EXOC4: variants seen among roughly 807,000 people sequenced by gnomAD.
EXOC4 encodes exocyst complex component 4.
A neutral mutation model predicts 107.2 loss-of-function variants in EXOC4; 71 were observed. That is an observed-to-expected ratio of 0.66 (90% CI 0.55 to 0.81). The LOEUF (loss-of-function observed/expected upper bound fraction) is 0.81. Ranked by LOEUF, EXOC4 falls within the 30% of genes least tolerant of loss-of-function variation. The probability of loss-of-function intolerance (pLI) is 0.00; values close to 1 mark genes in which losing one functional copy is unlikely to be tolerated. For missense variants in EXOC4, 1,108 were observed against 1,189.6 expected (o/e 0.93, Z 1.01); for synonymous variants, 456 against 441.2 (o/e 1.03, Z -0.42).
At chr7:133,991,463 C>T (rs1794260034) in intron 14 of EXOC4, among the ~76,000 whole-genome samples, 1 of 151,960 alleles carries the variant, frequency 6.6e-6, no homozygotes, top group Non-Finnish European at 1.5e-5. Flanking sequence ...GGCGTAATCC[C>T]ATTTGTTTAT....
At chr7:133,867,574 A>G (rs544345648) in intron 11 of EXOC4, among the ~76,000 whole-genome samples, 2 of 152,312 alleles carry the variant, frequency 1.3e-5, no homozygotes, top group Non-Finnish European at 2.9e-5. Flanking sequence ...GAGAAGGAGA[A>G]AAATACCTTT....
At chr7:133,985,709 T>C (rs28656246) in intron 14 of EXOC4, among the ~76,000 whole-genome samples, 2,727 of 152,324 alleles carry the variant, frequency 0.018, 82 homozygotes, top group African/African-American at 0.06. Flanking sequence ...TAAAATACTT[T>C]AAATTTAGAC....
At chr7:133,604,671 C>T (rs1419048711) in intron 9 of EXOC4, among the ~76,000 whole-genome samples, 2 of 145,612 alleles carry the variant, frequency 1.4e-5, no homozygotes, top group African/African-American at 5.1e-5. Context: ...TAACTTATAG[C>T]ACTGATTTCT....
intron 11 of EXOC4, among the ~76,000 whole-genome samples, chr7:133,820,456 A>G (rs1200586068): frequency 3.9e-5 from 6 of 152,022 alleles, no homozygotes; most frequent in South Asian, 2.1e-4. Flanking sequence ...AATTTTTTCT[A>G]TGTTTCCTTA....
chr7:133,359,342 C>T (rs1796090252), intron 6 of EXOC4, among the ~76,000 whole-genome samples: 1 of 152,162 alleles, frequency 6.6e-6, no homozygotes, highest in Non-Finnish European at 1.5e-5. Flanking sequence ...GTCAAATTAT[C>T]ATTTGAAGCT....
chr7:133,274,982 G>C lies in EXOC4; in HGVS notation c.87G>C (p.Arg29Ser), dbSNP rs1192538966. The C allele has an allele frequency of 6.3e-7, 1 of 1,595,990 alleles. No individual in the cohort carries two copies. The highest frequency in any genetic ancestry group is 8.5e-7 in the Non-Finnish European group (1 of 1,171,282). Residue 29 changes from arginine (R) to serine (S), a missense_variant and splice_region_variant, in exon 2 of 18, where the codon AGG becomes AGC. Transcript: ENST00000253861. ...TTGATATACTCTCTGCCTTCACCAG[G>C]ACTCTGTCTACTAGTGACGATGTCG... ...DPSGLLISVI[R>S]TLSTSDDVED...
intron 14 of EXOC4, among the ~76,000 whole-genome samples, chr7:133,939,088 A>G (rs531391865): frequency 2.0e-5 from 3 of 152,344 alleles, no homozygotes; most frequent in Admixed American, 2.0e-4. Flanking sequence ...AGAGATAGAA[A>G]CAGGATAGAA....
chr7:134,072,447 T>A, the EXOC4 span, among the ~76,000 whole-genome samples: 5 of 152,306 alleles, frequency 3.3e-5, no homozygotes, highest in African/African-American at 1.2e-4. Context: ...GCCTGGTCTC[T>A]CACAGGAGGG....
chr7:133,573,554 G>C (rs937236361), intron 9 of EXOC4, among the ~76,000 whole-genome samples: 2 of 152,090 alleles, frequency 1.3e-5, no homozygotes, highest in Non-Finnish European at 2.9e-5. Context: ...GTGGTAATAC[G>C]CCCCAAAGTA....
chr7:133,295,701 C>G (rs182106645), intron 3 of EXOC4, among the ~76,000 whole-genome samples: 3 of 152,236 alleles, frequency 2.0e-5, no homozygotes, highest in Non-Finnish European at 4.4e-5. Flanking sequence ...AGCAAATAGA[C>G]TGATCTTATT....
chr7:133,333,881 C>T (rs758431083), intron 5 of EXOC4, among the ~76,000 whole-genome samples: 19 of 152,130 alleles, frequency 1.2e-4, no homozygotes, highest in Non-Finnish European at 2.6e-4. Flanking sequence ...CAATTGCTAA[C>T]CAATGAAAAA....
intron 17 of EXOC4, among the ~76,000 whole-genome samples, chr7:134,033,255 T>C (rs1795308205): frequency 6.6e-6 from 1 of 152,144 alleles, no homozygotes; most frequent in Non-Finnish European, 1.5e-5. Flanking sequence ...CATAAAAATA[T>C]ATATCCTACA....
At chr7:133,380,672 G>C (rs1238031124) in intron 7 of EXOC4, among the ~76,000 whole-genome samples, 2 of 152,122 alleles carry the variant, frequency 1.3e-5, no homozygotes, top group African/African-American at 2.4e-5. Context: ...TAGACAAGAT[G>C]AATTTAAGAC....
intron 9 of EXOC4, among the ~76,000 whole-genome samples, chr7:133,493,569 T>A (rs1393165676): frequency 6.6e-6 from 1 of 152,224 alleles, no homozygotes; most frequent in Non-Finnish European, 1.5e-5. Flanking sequence ...GTAAATGTTT[T>A]TTTAAATTAA....
chr7:133,466,264 G>A (rs1798724727), intron 7 of EXOC4, among the ~76,000 whole-genome samples: 1 of 151,798 alleles, frequency 6.6e-6, no homozygotes, highest in Non-Finnish European at 1.5e-5. Context: ...CCAAATAGAG[G>A]TCTTTTGAAA....
intron 10 of EXOC4, among the ~76,000 whole-genome samples, chr7:133,686,512 A>G (rs1487225334): frequency 6.6e-6 from 1 of 152,138 alleles, no homozygotes; most frequent in African/African-American, 2.4e-5. Context: ...TCAGGAATGG[A>G]CTTTCAGGCC....
chr7:133,710,182 TC>T (rs1437001375), intron 10 of EXOC4, among the ~76,000 whole-genome samples: 2 of 152,156 alleles, frequency 1.3e-5, no homozygotes, highest in Non-Finnish European at 2.9e-5. Context: ...AGTCTGGGCT[TC>T]TATCACAGGG....
intron 17 of EXOC4, among the ~76,000 whole-genome samples, chr7:134,026,065 C>A (rs1795131382): frequency 6.6e-6 from 1 of 152,134 alleles, no homozygotes; most frequent in African/African-American, 2.4e-5. Flanking sequence ...GGAGCAGAAA[C>A]TTAATTCAAA....
Position 133,956,982 on chromosome 7 carries a change from AT to A in EXOC4, c.2206+18924del, listed in dbSNP as rs879607959. 1.4e-3 allele frequency among the ~76,000 whole-genome samples: 205 copies of A among 147,648 alleles called. 1 individual carries two copies. The highest frequency in any genetic ancestry group is 3.5e-3 in the Middle Eastern group (1 of 286). On this transcript the variant is annotated intron_variant, in intron 14 of 17. Transcript: ENST00000253861. ...TATTTTCCACGTGATAATACCATTGATTTTTTTTTTTGTCAATGTGAGAACT... is the reference window on the plus strand; with the variant it reads ...TATTTTCCACGTGATAATACCATTGATTTTTTTTTTGTCAATGTGAGAACT...
Sources: gnomAD v4.1 joint callset for allele counts (sites outside exome capture counted in the v4.1 genomes callset) on GRCh38, gnomAD v4.1.1 for gene constraint, MANE v1.5 for transcripts, NCBI Gene and HGNC (gene_info 2026-07-23, HGNC 2026-07-21) for gene names.